Variants in EHBP1 observed in about 807,000 individuals in gnomAD.
EHBP1 encodes the protein EH domain-binding protein 1.
In EHBP1, 55 loss-of-function variants were observed where a neutral mutation model predicts 144.0. The ratio of observed to expected loss-of-function variants is 0.38; its 90% CI spans 0.31 to 0.48. The LOEUF (loss-of-function observed/expected upper bound fraction) is 0.48, where lower values mean the gene tolerates loss of function less well. Ranked by LOEUF, EHBP1 falls within the 20% of genes least tolerant of loss-of-function variation. EHBP1 has a pLI of 0.98. For synonymous variants in EHBP1, 469 were observed against 472.7 expected (o/e 0.99, Z 0.10); for missense variants, 1,200 against 1,364.2 (o/e 0.88, Z 1.90).
chr2:62,776,333 T>A (rs1558651640), intron 5 of EHBP1, among the ~76,000 whole-genome samples: 1 of 152,236 alleles, frequency 6.6e-6, no homozygotes, highest in Non-Finnish European at 1.5e-5. Context: ...CATTTAATAT[T>A]TCACAGCTTC....
chr2:62,830,195 C>CATAT (rs1214972818), intron 6 of EHBP1, among the ~76,000 whole-genome samples: 2 of 116,260 alleles, frequency 1.7e-5, no homozygotes, highest in Non-Finnish European at 3.6e-5. Flanking sequence ...CACACACACA[C>CATAT]ATATATATAC....
At position 62,956,518 on chromosome 2, in the gene EHBP1, C is replaced by T. The variant is rs200414825; in HGVS notation, c.2460+858C>T. Reference sequence around the variant, plus strand: ...CTTTGAATAGTCCCAAGATATTTTCCCACCCTTCCTCTTTCAAGTTATCTA... The same window carrying T: ...CTTTGAATAGTCCCAAGATATTTTCTCACCCTTCCTCTTTCAAGTTATCTA... On this transcript the variant is annotated intron_variant, in intron 14 of 22. Transcript: ENST00000431489. Among the ~76,000 whole-genome samples, 8 of 151,890 alleles carry T rather than the reference C, an allele frequency of 5.3e-5. No individual in the cohort carries two copies. In the East Asian group the frequency reaches 1.2e-3, roughly 22 times the overall value.
intron 15 of EHBP1, 128 bp downstream of exon 15, chr2:62,979,463 G>A (rs921309152): frequency 1.1e-6 from 1 of 921,912 alleles, no homozygotes; most frequent in Non-Finnish European, 1.5e-6. Flanking sequence ...TTGATATGTT[G>A]CAAAACACCT....
intron 10 of EHBP1, among the ~76,000 whole-genome samples, chr2:62,916,744 C>A (rs1446026925): frequency 6.7e-6 from 1 of 148,500 alleles, no homozygotes; most frequent in East Asian, 2.0e-4. Context: ...TATATATCAT[C>A]AAAATATATT....
chr2:62,704,659 T>C (rs1186854756), upstream of EHBP1, among the ~76,000 whole-genome samples: 1 of 152,202 alleles, frequency 6.6e-6, no homozygotes, highest in East Asian at 1.9e-4. Flanking sequence ...CCCATTTTAC[T>C]CTGTTTATTC....
intron 5 of EHBP1, among the ~76,000 whole-genome samples, chr2:62,821,500 G>T (rs1449229550): frequency 6.6e-6 from 1 of 152,088 alleles, no homozygotes; most frequent in Non-Finnish European, 1.5e-5. Flanking sequence ...ACTAGCCTGA[G>T]CAACATAGTG....
chr2:62,718,456 C>T (rs1378691805), intron 2 of EHBP1, among the ~76,000 whole-genome samples: 5 of 152,172 alleles, frequency 3.3e-5, no homozygotes, highest in Non-Finnish European at 7.3e-5. Context: ...ACATGTTCAT[C>T]ACCACAAAAA....
At chr2:62,926,120 T>G (rs72890506) in intron 10 of EHBP1, among the ~76,000 whole-genome samples, 5,467 of 152,234 alleles carry the variant, frequency 0.036, 345 homozygotes, top group African/African-American at 0.12. Flanking sequence ...TGAACTGATT[T>G]GTGACAAAGA....
intron 2 of EHBP1, among the ~76,000 whole-genome samples, chr2:62,719,721 A>G (rs1025077440): frequency 2.6e-5 from 4 of 152,260 alleles, no homozygotes; most frequent in Non-Finnish European, 5.9e-5. Flanking sequence ...ATATTTACAT[A>G]GCATTTACAT....
chr2:62,732,332 T>C (rs912429698), intron 2 of EHBP1, among the ~76,000 whole-genome samples: 2 of 152,204 alleles, frequency 1.3e-5, no homozygotes, highest in African/African-American at 4.8e-5. Flanking sequence ...CTTCTATGCC[T>C]TTCTCTTTTT....
At chr2:62,691,720 T>A (rs573561138) in intron 1 of EHBP1, among the ~76,000 whole-genome samples, 130 of 152,296 alleles carry the variant, frequency 8.5e-4, no homozygotes, top group African/African-American at 2.9e-3. Flanking sequence ...GGCTGCAGGT[T>A]GGAGGCCAGG....
At chr2:62,894,434 TG>T (rs2052715280) in intron 10 of EHBP1, among the ~76,000 whole-genome samples, 1 of 150,572 alleles carries the variant, frequency 6.6e-6, no homozygotes, top group South Asian at 2.1e-4. Context: ...GTGTAGTGAG[TG>T]GGGCAGCAGA....
At chr2:62,982,831 G>A (rs969617928) in intron 15 of EHBP1, among the ~76,000 whole-genome samples, 3 of 152,108 alleles carry the variant, frequency 2.0e-5, no homozygotes, top group African/African-American at 2.4e-5. Flanking sequence ...AACCAGCCTC[G>A]GTGAGAAAAG....
intron 19 of EHBP1, among the ~76,000 whole-genome samples, chr2:63,009,905 A>G (rs1365435438): frequency 1.3e-5 from 2 of 151,566 alleles, no homozygotes; most frequent in Admixed American, 1.3e-4. Context: ...ATTAATAGCA[A>G]TAACTAATAA....
At chr2:62,979,562 C>G (rs1034427151) in intron 15 of EHBP1, among the ~76,000 whole-genome samples, 3 of 152,192 alleles carry the variant, frequency 2.0e-5, no homozygotes, top group African/African-American at 7.2e-5. Context: ...GAAGTACTCT[C>G]TTAGAATATG....
intron 5 of EHBP1, among the ~76,000 whole-genome samples, chr2:62,798,129 G>A (rs1268188982): frequency 1.3e-5 from 2 of 152,202 alleles, no homozygotes; most frequent in African/African-American, 4.8e-5. Context: ...CACGTTGGGA[G>A]GCCGAGGGAG....
intron 15 of EHBP1, 144 bp from the exon 16 acceptor site, chr2:62,990,572 A>G: frequency 2.5e-6 from 2 of 792,848 alleles, no homozygotes; most frequent in Non-Finnish European, 3.9e-6. Context: ...TATGTAAAGG[A>G]TTTTTCATGT....
In EHBP1 at chr2:62,917,860, T is replaced by C. The variant is rs546453483; in HGVS notation, c.1186-24858T>C. On this transcript the variant is annotated intron_variant, in intron 10 of 22. Coordinates refer to ENST00000431489, the MANE Select transcript of EHBP1 (RefSeq NM_001142616.3). ...CAGCACTTTGATTTCTGATTTATTC[T>C]GGTTTCGTTTGTTTAGTTTTTAGGA... 1.2e-4 allele frequency among the ~76,000 whole-genome samples: 19 copies of C among 152,172 alleles called. No individual in the cohort carries two copies. The East Asian group carries it at 3.7e-3, about 29-fold the overall frequency.
chr2:62,823,765 C>G (rs2046153474), intron 5 of EHBP1, among the ~76,000 whole-genome samples: 1 of 152,044 alleles, frequency 6.6e-6, no homozygotes, highest in Non-Finnish European at 1.5e-5. Flanking sequence ...TGGAGAATTA[C>G]TAGGAACACC....
Sources: gnomAD v4.1 joint callset for allele counts (sites outside exome capture counted in the v4.1 genomes callset) on GRCh38, gnomAD v4.1.1 for gene constraint, MANE v1.5 for transcripts, NCBI Gene and HGNC (gene_info 2026-07-23, HGNC 2026-07-21) for gene names.